The following ZNF304 variants were observed in gnomAD, a reference collection of about 807,000 sequenced individuals.
ZNF304 encodes KRAB-containing zinc finger protein.
In ZNF304, 7 loss-of-function variants were observed where a neutral mutation model predicts 7.8. The observed-to-expected ratio is 0.90, with a 90% confidence interval of 0.51 to 1.69. The LOEUF (loss-of-function observed/expected upper bound fraction) is 1.69. Among genes scored for constraint, ZNF304 ranks in the 40% most tolerant of loss-of-function variants. The pLI is 0.00. For synonymous variants in ZNF304, 280 were observed against 272.4 expected (o/e 1.03, Z -0.27); for missense variants, 669 against 804.8 (o/e 0.83, Z 2.04).
Position 57,357,547 on chromosome 19 carries a change from GT to G in ZNF304, c.1679del (p.Val560GlyfsTer93). 4 of 1,613,978 alleles carry G rather than the reference GT, an allele frequency of 2.5e-6. No homozygotes were observed. Among genetic ancestry groups the G allele is most frequent in the Non-Finnish European group, 3.4e-6 (4 of 1,179,846 alleles). On this transcript the variant is annotated frameshift_variant, in exon 3 of 3. Transcript: ENST00000282286. LOFTEE classifies it low-confidence loss of function (END_TRUNC). Reference protein sequence around the residue: ...QRVHTGARPYVCSECGKAYIS... With the variant: ...QRVHTGARPYXCSECGKAYIS... ...AGTTCACACAGGAGCAAGGCCTTAT[GT>G]GTGCAGTGAATGTGGGAAGGCTTAC...
chr19:57,355,118 C>T (rs745995841), intron 2 of ZNF304, among the ~76,000 whole-genome samples: 2 of 152,174 alleles, frequency 1.3e-5, no homozygotes, highest in African/African-American at 2.4e-5. Context: ...CTGACTGTGC[C>T]AGGAATTTCA....
In ZNF304 at chr19:57,351,842, C is replaced by T. The variant is rs1370034199; in HGVS notation, c.33+145C>T. 6 of 882,674 alleles carry T rather than the reference C, an allele frequency of 6.8e-6. No homozygotes were observed. In the African/African-American group the frequency reaches 6.9e-5, roughly 10 times the overall value. The allele number at this position is 882,674 out of a possible 1,614,324, so 54.7% of individuals were successfully genotyped here. A position where few individuals can be genotyped will look rare whatever the true frequency, so the allele number is the denominator to read the frequency against. On this transcript the variant is annotated intron_variant, in intron 1 of 2. Transcript: ENST00000282286. The surrounding 1 kb of genome is among the most constrained non-coding windows in gnomAD (Gnocchi z 4.1). ...CTCATCAGTGGCATAAGGTGTGGAA[C>T]GGACTCGAAGGCGCAGGGGCAGTTC...
Position 57,358,160 on chromosome 19 carries a change from A to C in ZNF304, c.*311A>C. 3.6e-6 allele frequency: 1 copy of C among 280,628 alleles called. No homozygotes were observed. Among genetic ancestry groups the C allele is most frequent in the Non-Finnish European group, 6.7e-6 (1 of 149,624 alleles). 17.4% of individuals were successfully genotyped at this position (280,628 alleles called of 1,614,324 possible). A position where few individuals can be genotyped will look rare whatever the true frequency, so the allele number is the denominator to read the frequency against. On this transcript the variant is annotated 3_prime_UTR_variant, in exon 3 of 3. Transcript: ENST00000282286. ...ACCAGCTGTGTGTGTCAATCACTCC[A>C]TTTTGCTCAGGGAAGGCAGACTTCT...
chr19:57,351,713 C>T lies in ZNF304; in HGVS notation c.33+16C>T. The T allele has an allele frequency of 1.9e-6, 3 of 1,609,158 alleles. No individual in the cohort carries two copies. Among genetic ancestry groups the T allele is most frequent in the Non-Finnish European group, 2.5e-6 (3 of 1,177,386 alleles). On this transcript the variant is annotated intron_variant, in intron 1 of 2. Coordinates refer to ENST00000282286, the MANE Select transcript of ZNF304 (RefSeq NM_020657.4). The surrounding 1 kb of genome is among the most constrained non-coding windows in gnomAD (Gnocchi z 4.1). The stretch of plus-strand genomic sequence containing the variant: ...CCGGGTTCAGGTGAGTGGGGGCATC[C>T]CTCAAGCGCACCCCGGCCTGGTTGG...
chr19:57,357,591 T>G lies in ZNF304; in HGVS notation c.1722T>G (p.Leu574=), dbSNP rs1244512496. Reference sequence around the variant, plus strand: ...AGGCTTACATTAGTAGCTCCCACCTTGTTCAACACAAGAAAGTTCACACTG... The same window carrying G: ...AGGCTTACATTAGTAGCTCCCACCTGGTTCAACACAAGAAAGTTCACACTG... ...CGKAYISSSH[L]VQHKKVHTGA... is the part of the protein sequence containing the mutation. The change falls in exon 3 of 3, where the codon CTT becomes CTG. Residue 574 remains leucine, a synonymous_variant. Transcript: ENST00000282286. 1.9e-6 allele frequency: 3 copies of G among 1,613,936 alleles called. No individual in the cohort carries two copies. In the Admixed American group the frequency reaches 5.0e-5, roughly 27 times the overall value.
In ZNF304 at chr19:57,356,098, G is replaced by A. The variant is rs868598296; in HGVS notation, c.229G>A (p.Val77Ile). The change falls in exon 3 of 3, where the codon GTC (valine) becomes ATC (isoleucine). Residue 77 changes from valine to isoleucine, a missense_variant. Transcript: ENST00000282286. ...QSVSVEGVSQVRTAESGLFQK... is the reference protein window; with the variant it reads ...QSVSVEGVSQIRTAESGLFQK... ...CGTTTCTGTAGAAGGAGTGTCACAGGTCAGGACTGCTGAGTCAGGTCTTTT... is the reference window on the plus strand; with the variant it reads ...CGTTTCTGTAGAAGGAGTGTCACAGATCAGGACTGCTGAGTCAGGTCTTTT... The A allele has an allele frequency of 6.2e-7, 1 of 1,614,224 alleles. No individual in the cohort carries two copies. The highest frequency in any genetic ancestry group is 1.7e-5 in the Admixed American group (1 of 60,024).
At chr19:57,353,225 A>G (rs2088296791) in intron 1 of ZNF304, among the ~76,000 whole-genome samples, 1 of 152,126 alleles carries the variant, frequency 6.6e-6, no homozygotes, top group South Asian at 2.1e-4. Flanking sequence ...CTGCTTGCAG[A>G]GTGGCATGGG....
In ZNF304 at chr19:57,354,872, A is replaced by G. The variant is rs551503878; in HGVS notation, c.160+1021A>G. 2.0e-5 allele frequency among the ~76,000 whole-genome samples: 3 copies of G among 152,188 alleles called. No homozygotes were observed. The South Asian group carries it at 6.2e-4, about 32-fold the overall frequency. ...CTTCTCCTTCCCTTCTTTGTTTCCC[A>G]GAGTAGGTGCTGTGGGTTCTAGGGC... is the stretch of plus-strand genomic sequence containing the variant. On this transcript the variant is annotated intron_variant, in intron 2 of 2. Coordinates refer to ENST00000282286, the MANE Select transcript of ZNF304 (RefSeq NM_020657.4).
intron 2 of ZNF304, 101 bp from the exon 3 acceptor site, chr19:57,355,929 A>G: frequency 7.4e-7 from 1 of 1,353,382 alleles, no homozygotes. Context: ...TCCTGCCAAC[A>G]AGCCAGTGGA....
intron 2 of ZNF304, 95 bp from the exon 3 acceptor site, chr19:57,355,935 G>C (rs997365493): frequency 7.1e-7 from 1 of 1,399,658 alleles, no homozygotes; most frequent in African/African-American, 1.4e-5. Context: ...CAACAAGCCA[G>C]TGGACTCGCA....
rs529802075 is a variant in ZNF304, at chr19:57,355,906, C to A, written c.161-124C>A. 25 of 1,105,072 alleles carry A rather than the reference C, an allele frequency of 2.3e-5. No individual in the cohort carries two copies. In the African/African-American group the frequency reaches 3.8e-4, roughly 17 times the overall value. The allele number at this position is 1,105,072 out of a possible 1,614,324, so 68.5% of individuals were successfully genotyped here. A position where few individuals can be genotyped will look rare whatever the true frequency, so the allele number is the denominator to read the frequency against. On this transcript the variant is annotated intron_variant, in intron 2 of 2. Transcript: ENST00000282286. ...ACAACCAGCCCTTCTTTACACTGAT[C>A]CTGGCCCTCTTGTCCTGCCAACAAG...
At chr19:57,354,812 T>C (rs559430045) in intron 2 of ZNF304, among the ~76,000 whole-genome samples, 4 of 152,270 alleles carry the variant, frequency 2.6e-5, no homozygotes, top group Admixed American at 6.5e-5. Flanking sequence ...CTCTTCCCCA[T>C]GGGCCACTCT....
intron 2 of ZNF304, among the ~76,000 whole-genome samples, chr19:57,354,502 G>A (rs2122979681): frequency 6.6e-6 from 1 of 152,298 alleles, no homozygotes; most frequent in East Asian, 1.9e-4. Context: ...CCTCCCTCAG[G>A]TGGCCTGTCT....
In ZNF304 at chr19:57,355,897, T is replaced by TA. The variant is rs889773179; in HGVS notation, c.161-132dup. 8 of 1,035,706 alleles carry TA rather than the reference T, an allele frequency of 7.7e-6. No homozygotes were observed. The African/African-American group carries it at 1.1e-4, about 14-fold the overall frequency. The allele number at this position is 1,035,706 out of a possible 1,614,324, so 64.2% of individuals were successfully genotyped here. ...CCTATACTGACAACCAGCCCTTCTTTACACTGATCCTGGCCCTCTTGTCCT... is the reference window on the plus strand; with the variant it reads ...CCTATACTGACAACCAGCCCTTCTTTAACACTGATCCTGGCCCTCTTGTCCT... On this transcript the variant is annotated intron_variant, in intron 2 of 2. Coordinates refer to ENST00000282286, the MANE Select transcript of ZNF304 (RefSeq NM_020657.4).
Position 57,357,005 on chromosome 19 carries a change from T to C in ZNF304, c.1136T>C (p.Val379Ala). The change falls in exon 3 of 3, where the codon GTT becomes GCT. Residue 379 changes from valine (V) to alanine (A), a missense_variant. Transcript: ENST00000282286. Reference sequence around the variant, plus strand: ...GCCTTTAGCCGTAAAGACACACTTGTTCAGCACCAGAGATTTCATACTGGA... The same window carrying C: ...GCCTTTAGCCGTAAAGACACACTTGCTCAGCACCAGAGATTTCATACTGGA... ...GKAFSRKDTL[V>A]QHQRFHTGER... 6.2e-7 allele frequency: 1 copy of C among 1,609,220 alleles called. No individual in the cohort carries two copies. Among genetic ancestry groups the C allele is most frequent in the Non-Finnish European group, 8.5e-7 (1 of 1,175,904 alleles).
At position 57,356,980 on chromosome 19, in the gene ZNF304, G is replaced by A. The variant is rs757165288; in HGVS notation, c.1111G>A (p.Ala371Thr). 1.2e-6 allele frequency: 2 copies of A among 1,605,828 alleles called. No homozygotes were observed. The highest frequency in any genetic ancestry group is 1.7e-6 in the Non-Finnish European group (2 of 1,173,332). The change falls in exon 3 of 3, where the codon GCC becomes ACC. Residue 371 changes from alanine to threonine, a missense_variant. Physicochemically the swap from Ala to Thr is moderately conservative, Grantham distance 58. Transcript: ENST00000282286. ...TTATAAGTGCAACAAATGTGGGAAA[G>A]CCTTTAGCCGTAAAGACACACTTGT... ...RPYKCNKCGK[A>T]FSRKDTLVQH...
Position 57,351,780 on chromosome 19 carries a change from C to A in ZNF304, c.33+83C>A. 1 of 1,467,266 alleles carries A rather than the reference C, an allele frequency of 6.8e-7. No individual in the cohort carries two copies. Among genetic ancestry groups the A allele is most frequent in the Non-Finnish European group, 9.3e-7 (1 of 1,078,260 alleles). The allele number at this position is 1,467,266 out of a possible 1,614,324, so 90.9% of individuals were successfully genotyped here. A position where few individuals can be genotyped will look rare whatever the true frequency, so the allele number is the denominator to read the frequency against. On this transcript the variant is annotated intron_variant, in intron 1 of 2. Coordinates refer to ENST00000282286, the MANE Select transcript of ZNF304 (RefSeq NM_020657.4). This position sits in a 1 kb window ranked among gnomAD's most constrained non-coding sequence, Gnocchi z 4.1. ...CGCTCTCATCGCGCACTTCAGGGTG[C>A]TCACTCCGTCGCATTATGTGGAGGG...
chr19:57,357,738 C>T lies in ZNF304; in HGVS notation c.1869C>T (p.Ala623=). 1 of 1,614,234 alleles carries T rather than the reference C, an allele frequency of 6.2e-7. No homozygotes were observed. The highest frequency in any genetic ancestry group is 8.5e-7 in the Non-Finnish European group (1 of 1,180,038). ...KPYVCSECGK[A]YSRSSHLVRH... ...ACGTATGCAGCGAATGTGGGAAAGCCTATAGCAGAAGCTCCCATCTTGTTC... is the reference window on the plus strand; with the variant it reads ...ACGTATGCAGCGAATGTGGGAAAGCTTATAGCAGAAGCTCCCATCTTGTTC... The change falls in exon 3 of 3, where the codon GCC becomes GCT. Residue 623 remains alanine (A), a synonymous_variant. Transcript: ENST00000282286.
rs991644042 is a variant in ZNF304 at position 57,351,352 on chromosome 19, C to T, written c.-313C>T. ...TCGGGTCGGCTTTCTACGCGGCTCT[C>T]GTGGAACCTAGCAAAGAAAGACAGT... On this transcript the variant is annotated 5_prime_UTR_variant, in exon 1 of 3. Transcript: ENST00000282286. The surrounding 1 kb of genome is among the most constrained non-coding windows in gnomAD (Gnocchi z 4.1). 1.7e-5 allele frequency: 7 copies of T among 413,584 alleles called. No individual in the cohort carries two copies. The highest frequency in any genetic ancestry group is 4.2e-5 in the Admixed American group (1 of 23,800). 25.6% of individuals were successfully genotyped at this position (413,584 alleles called of 1,614,324 possible). A position where few individuals can be genotyped will look rare whatever the true frequency, so the allele number is the denominator to read the frequency against.
Sources: allele counts gnomAD v4.1 joint callset (sites outside exome capture counted in the v4.1 genomes callset), GRCh38; gene constraint gnomAD v4.1.1; non-coding constraint Gnocchi (gnomAD v3.1); transcripts MANE v1.5; gene names NCBI Gene and HGNC (gene_info 2026-07-23, HGNC 2026-07-21).